IBTK: variants seen among roughly 807,000 people sequenced by gnomAD.
IBTK encodes inhibitor of Bruton tyrosine kinase, also known as BTK-binding protein.
IBTK carries 83 observed loss-of-function variants against 154.9 expected under a neutral mutation model. The ratio of observed to expected loss-of-function variants is 0.54; its 90% CI spans 0.45 to 0.64. The LOEUF is 0.64. Among genes scored for constraint, IBTK ranks in the 30% least tolerant of loss-of-function variants. The pLI is 0.00. For synonymous variants in IBTK, 515 were observed against 536.1 expected (o/e 0.96, Z 0.54); for missense variants, 1,332 against 1,584.6 (o/e 0.84, Z 2.71).
chr6:82,240,374 G>T lies in IBTK; in HGVS notation c.113C>A (p.Ser38Tyr). The T allele has an allele frequency of 6.2e-7, 1 of 1,614,152 alleles. No individual in the cohort carries two copies. Among genetic ancestry groups the T allele is most frequent in the Non-Finnish European group, 8.5e-7 (1 of 1,180,028 alleles). Residue 38 changes from serine (S) to tyrosine (Y), a missense_variant, in exon 2 of 29, where the codon TCC becomes TAC. Around this residue, in one of 3 missense-constraint regions of IBTK, gnomAD observed 84 missense variants for 96.2 expected, o/e 0.87. Transcript: ENST00000306270. ...GSENQIKAFLSSHCYNAATIK... is the reference protein window; with the variant it reads ...GSENQIKAFLYSHCYNAATIK... ...AGTTGCAGCATTGTAACAATGACTG[G>T]AGAGAAAGGCCTTAATCTGGTTTTC...
intron 26 of IBTK, among the ~76,000 whole-genome samples, chr6:82,177,676 A>T (rs778402144): frequency 4.9e-4 from 75 of 152,014 alleles, no homozygotes; most frequent in Non-Finnish European, 9.4e-4. Flanking sequence ...GGCCTCCCAA[A>T]GTGCTGAGAT....
intron 16 of IBTK, among the ~76,000 whole-genome samples, chr6:82,208,676 C>T (rs765760589): frequency 4.6e-5 from 7 of 151,904 alleles, no homozygotes; most frequent in Non-Finnish European, 8.8e-5. Context: ...CTCAGGACGC[C>T]GAGGCTGCAG....
intron 2 of IBTK, among the ~76,000 whole-genome samples, chr6:82,239,822 G>A (rs1011589199): frequency 2.0e-5 from 3 of 149,596 alleles, no homozygotes; most frequent in Non-Finnish European, 4.5e-5. Context: ...CAAATAAATT[G>A]TGCTTACTTA....
At chr6:82,194,370 G>A (rs1768900645) in intron 23 of IBTK, 109 bp downstream of exon 23, 1 of 863,568 alleles carries the variant, frequency 1.2e-6, no homozygotes. Flanking sequence ...CTGTGCATTA[G>A]AAATTTATAT....
chr6:82,197,979 C>G (rs1769062856), intron 21 of IBTK, among the ~76,000 whole-genome samples: 1 of 152,132 alleles, frequency 6.6e-6, no homozygotes, highest in African/African-American at 2.4e-5. Context: ...CTACAGATAT[C>G]CTGGCCACAG....
chr6:82,196,379 T>C lies in IBTK; in HGVS notation c.3093A>G (p.Glu1031=). 4 of 1,612,928 alleles carry C rather than the reference T, an allele frequency of 2.5e-6. No homozygotes were observed. Among genetic ancestry groups the C allele is most frequent in the Non-Finnish European group, 2.5e-6 (3 of 1,179,164 alleles). The part of the protein sequence containing the change: ...SLPELLTSDS[E]GSYAGVGSPR... ...GACTACCCACTCCTGCATAGCTTCC[T>C]TCAGAGTCTGATGTCAACAGTTCTG... Residue 1031 remains glutamate, a synonymous_variant, in exon 22 of 29, where the codon GAA becomes GAG. Transcript: ENST00000306270.
At chr6:82,184,447 A>T (rs113919684) in intron 25 of IBTK, among the ~76,000 whole-genome samples, 36,407 of 151,920 alleles carry the variant, frequency 0.24, 4,342 homozygotes, top group African/African-American at 0.28. Flanking sequence ...ACAAAGAAAA[A>T]GTATTCTTCC....
At chr6:82,246,982 C>A (rs1250637944) in intron 1 of IBTK, among the ~76,000 whole-genome samples, 1 of 152,184 alleles carries the variant, frequency 6.6e-6, no homozygotes, top group Non-Finnish European at 1.5e-5. Flanking sequence ...ACCTAATTCG[C>A]AGCTGAACTA....
At chr6:82,178,411 A>G (rs1178309352) in intron 26 of IBTK, among the ~76,000 whole-genome samples, 2 of 152,192 alleles carry the variant, frequency 1.3e-5, no homozygotes, top group African/African-American at 4.8e-5. Context: ...ATAAAAATAC[A>G]AAACTTATCT....
intron 16 of IBTK, chr6:82,205,874 G>C (rs532268704): frequency 2.4e-4 from 37 of 152,064 alleles, no homozygotes; most frequent in African/African-American, 8.9e-4. Context: ...AAAAATAACA[G>C]AGGAAGAGAG....
intron 5 of IBTK, 52 bp from the exon 6 acceptor site, chr6:82,225,699 T>G (rs973790825): frequency 1.5e-6 from 2 of 1,337,926 alleles, no homozygotes; most frequent in Non-Finnish European, 2.1e-6. Context: ...TATACAGATA[T>G]GCAAATAGAA....
chr6:82,193,731 G>C (rs1313180857), intron 23 of IBTK, among the ~76,000 whole-genome samples: 2 of 152,046 alleles, frequency 1.3e-5, no homozygotes, highest in African/African-American at 4.8e-5. Context: ...GCCCAGGCTG[G>C]AGTGCAGTGG....
intron 12 of IBTK, among the ~76,000 whole-genome samples, chr6:82,213,091 G>C (rs1400421385): frequency 6.6e-6 from 1 of 151,580 alleles, no homozygotes; most frequent in Non-Finnish European, 1.5e-5. Flanking sequence ...GTGGTGGCAT[G>C]ATCTTAGTTC....
chr6:82,224,387 C>G (rs193265382), intron 6 of IBTK, among the ~76,000 whole-genome samples: 1 of 152,294 alleles, frequency 6.6e-6, no homozygotes, highest in East Asian at 1.9e-4. Flanking sequence ...TGTGATGCAG[C>G]CACTTTCAGT....
intron 16 of IBTK, among the ~76,000 whole-genome samples, chr6:82,207,391 T>C (rs1449329696): frequency 6.6e-6 from 1 of 152,076 alleles, no homozygotes; most frequent in South Asian, 2.1e-4. Flanking sequence ...GCTTGTACAC[T>C]GAAAACTACA....
At chr6:82,187,147 C>G (rs915717514) in intron 25 of IBTK, among the ~76,000 whole-genome samples, 9 of 152,034 alleles carry the variant, frequency 5.9e-5, no homozygotes, top group African/African-American at 2.2e-4. Context: ...AACTCCTGAC[C>G]TCAGGTGATC....
chr6:82,209,253 C>T lies in IBTK; in HGVS notation c.2509+1561G>A, dbSNP rs563243918. On this transcript the variant is annotated intron_variant, in intron 16 of 28. Coordinates refer to ENST00000306270, the MANE Select transcript of IBTK (RefSeq NM_015525.4). Reference sequence around the variant, plus strand: ...CAAGAAAAATGAAAACATAGGCCCACGCAAAAACTTAGGCATGAGTGTTCA... The same window carrying T: ...CAAGAAAAATGAAAACATAGGCCCATGCAAAAACTTAGGCATGAGTGTTCA... Among the ~76,000 whole-genome samples the T allele has an allele frequency of 5.9e-5, 9 of 152,158 alleles. No individual in the cohort carries two copies. The East Asian group carries it at 1.4e-3, about 23-fold the overall frequency.
At chr6:82,229,505 A>T (rs1026868090) in intron 4 of IBTK, among the ~76,000 whole-genome samples, 4 of 152,148 alleles carry the variant, frequency 2.6e-5, no homozygotes, top group African/African-American at 9.7e-5. Context: ...CTTGTGCCAC[A>T]ATTCCAATCA....
chr6:82,242,429 C>A (rs1770986669), intron 1 of IBTK, among the ~76,000 whole-genome samples: 1 of 151,976 alleles, frequency 6.6e-6, no homozygotes, highest in Non-Finnish European at 1.5e-5. Context: ...ACCTATACCC[C>A]CTAAAACTAT....
Sources: allele counts gnomAD v4.1 joint callset (sites outside exome capture counted in the v4.1 genomes callset), GRCh38; gene constraint gnomAD v4.1.1; regional missense constraint gnomAD v4.1.1; transcripts MANE v1.5; gene names NCBI Gene and HGNC (gene_info 2026-07-23, HGNC 2026-07-21).